Variants in PDE1C observed in about 807,000 individuals in gnomAD.
PDE1C encodes the protein phosphodiesterase 1C.
Under a neutral mutation model 93.1 loss-of-function variants are expected in PDE1C, and 62 were observed. The ratio of observed to expected loss-of-function variants is 0.67; its 90% CI spans 0.54 to 0.82. The LOEUF is 0.82. Ranked by LOEUF, PDE1C falls within the 40% of genes least tolerant of loss-of-function variation. The pLI is 0.00. For synonymous variants in PDE1C, 325 were observed against 310.1 expected (o/e 1.05, Z -0.50); for missense variants, 742 against 884.6 (o/e 0.84, Z 2.04).
At chr7:32,239,077 A>C (rs2128868166) in intron 1 of PDE1C, among the ~76,000 whole-genome samples, 1 of 152,258 alleles carries the variant, frequency 6.6e-6, no homozygotes, top group Admixed American at 6.5e-5. Flanking sequence ...GACCAGCCTG[A>C]GCAATGTAGC....
At chr7:31,815,407 G>A (rs1395364699) in intron 15 of PDE1C, among the ~76,000 whole-genome samples, 3 of 152,022 alleles carry the variant, frequency 2.0e-5, no homozygotes, top group Admixed American at 6.6e-5. Context: ...CAGTTTGCCT[G>A]GAGCTCTTCT....
At chr7:32,196,896 G>C (rs2128826701) in intron 2 of PDE1C, among the ~76,000 whole-genome samples, 1 of 152,240 alleles carries the variant, frequency 6.6e-6, no homozygotes, top group African/African-American at 2.4e-5. Context: ...ATGATTTGTA[G>C]GTTTTCAGTT....
chr7:31,709,677 C>T, the PDE1C span, among the ~76,000 whole-genome samples: 103 of 152,156 alleles, frequency 6.8e-4, 2 homozygotes, highest in Non-Finnish European at 2.4e-4. Flanking sequence ...AAAACATAAC[C>T]AACCCTGGAT....
At chr7:32,008,122 T>C in intron 2 of PDE1C, among the ~76,000 whole-genome samples, 1 of 152,210 alleles carries the variant, frequency 6.6e-6, no homozygotes, top group South Asian at 2.1e-4. Context: ...CCTGTGGCTA[T>C]TCAGACCCAA....
chr7:31,872,347 T>A (rs1562951229), intron 6 of PDE1C, among the ~76,000 whole-genome samples: 1 of 152,126 alleles, frequency 6.6e-6, no homozygotes. Context: ...TTAACAAGAA[T>A]GTATTGTGCA....
intron 2 of PDE1C, among the ~76,000 whole-genome samples, chr7:31,916,696 C>G (rs768990901): frequency 3.9e-5 from 6 of 152,168 alleles, no homozygotes; most frequent in Non-Finnish European, 8.8e-5. Flanking sequence ...TACAGTAAAT[C>G]AAACAAACCG....
intron 2 of PDE1C, among the ~76,000 whole-genome samples, chr7:32,029,476 C>T (rs951195135): frequency 1.7e-4 from 26 of 151,894 alleles, no homozygotes; most frequent in African/African-American, 5.3e-4. Flanking sequence ...AAGAATTTCT[C>T]AACTAAAGTT....
intron 17 of PDE1C, among the ~76,000 whole-genome samples, chr7:31,755,553 C>G (rs1279486892): frequency 7.1e-6 from 1 of 141,560 alleles, no homozygotes; most frequent in Non-Finnish European, 1.5e-5. Flanking sequence ...TCTTGTAGAG[C>G]CAGAAAATTT....
chr7:31,870,084 G>A (rs896075306), intron 6 of PDE1C, among the ~76,000 whole-genome samples: 2 of 151,896 alleles, frequency 1.3e-5, no homozygotes, highest in Non-Finnish European at 2.9e-5. Flanking sequence ...CATATCAAAT[G>A]CTATGGAATA....
chr7:31,938,314 T>C (rs1397673368), intron 2 of PDE1C, among the ~76,000 whole-genome samples: 1 of 151,582 alleles, frequency 6.6e-6, no homozygotes, highest in Admixed American at 6.6e-5. Flanking sequence ...GTCTAGAATA[T>C]GCAGTTTCCC....
At chr7:32,375,194 T>C (rs1429530623) in intron 1 of PDE1C, among the ~76,000 whole-genome samples, 1 of 152,130 alleles carries the variant, frequency 6.6e-6, no homozygotes, top group Non-Finnish European at 1.5e-5. Context: ...TAGAATCACC[T>C]CTTTGGAGAG....
chr7:32,411,837 T>A lies in PDE1C; in HGVS notation c.310+15985A>T, dbSNP rs973515927. Among the ~76,000 whole-genome samples the A allele has an allele frequency of 6.7e-4, 78 of 116,584 alleles. 2 individuals are homozygous for A. The highest frequency in any genetic ancestry group is 3.9e-4 in the Non-Finnish European group (24 of 61,046). 76.5% of individuals were successfully genotyped at this position (116,584 alleles called of 152,430 possible). On this transcript the variant is annotated intron_variant, in intron 1 of 1. Coordinates refer to the PDE1C transcript ENST00000672256. ...TATTGTACAGCTGTGCAAAAAAAAATTATTTTCTTTATATCCTTATTCTAT... is the reference window on the plus strand; with the variant it reads ...TATTGTACAGCTGTGCAAAAAAAAAATATTTTCTTTATATCCTTATTCTAT...
the PDE1C span, among the ~76,000 whole-genome samples, chr7:31,666,583 A>G: frequency 6.6e-6 from 1 of 152,212 alleles, no homozygotes; most frequent in African/African-American, 2.4e-5. Flanking sequence ...TTTCTTAGGA[A>G]GGAAATCAGT....
intron 5 of PDE1C, among the ~76,000 whole-genome samples, chr7:31,873,895 C>A (rs1376373864): frequency 1.3e-5 from 2 of 152,192 alleles, no homozygotes; most frequent in African/African-American, 4.8e-5. Flanking sequence ...GCCTACGATG[C>A]TTCTCTTCTC....
intron 6 of PDE1C, among the ~76,000 whole-genome samples, chr7:31,869,493 ACTT>A (rs1321230802): frequency 6.6e-6 from 1 of 152,102 alleles, no homozygotes; most frequent in African/African-American, 2.4e-5. Flanking sequence ...GATAAAACAG[ACTT>A]TAAGTCAAAA....
intron 1 of PDE1C, among the ~76,000 whole-genome samples, chr7:32,388,532 T>C (rs1399853840): frequency 6.6e-6 from 1 of 151,784 alleles, no homozygotes; most frequent in Non-Finnish European, 1.5e-5. Flanking sequence ...TTTTAAAAAT[T>C]AGCCGAGCAT....
chr7:32,190,823 A>G (rs1055296739), intron 2 of PDE1C, among the ~76,000 whole-genome samples: 1 of 152,216 alleles, frequency 6.6e-6, no homozygotes, highest in African/African-American at 2.4e-5. Context: ...ATAGATGTCA[A>G]ATAAAGGAGA....
the PDE1C span, chr7:31,643,545 C>G: frequency 3.1e-6 from 5 of 1,614,032 alleles, no homozygotes; most frequent in Non-Finnish European, 4.2e-6. Flanking sequence ...GGGCTGTGGC[C>G]TTGGGGACTG....
intron 1 of PDE1C, among the ~76,000 whole-genome samples, chr7:32,325,998 A>G: frequency 6.6e-6 from 1 of 152,256 alleles, no homozygotes; most frequent in East Asian, 1.9e-4. Flanking sequence ...TGAGATTCTA[A>G]TTATAATTTA....
Sources: allele counts gnomAD v4.1 joint callset (sites outside exome capture counted in the v4.1 genomes callset), GRCh38; gene constraint gnomAD v4.1.1; transcripts MANE v1.5; gene names NCBI Gene and HGNC (gene_info 2026-07-23, HGNC 2026-07-21).